Variants in YWHAZ observed in about 807,000 individuals in gnomAD.
The protein encoded by YWHAZ is tyrosine 3-monooxygenase/tryptophan 5-monooxygenase activation protein zeta.
For missense variants in YWHAZ, 79 were observed against 284.8 expected (o/e 0.28, Z 5.20); for synonymous variants, 87 against 103.6 (o/e 0.84, Z 0.97).
intron 5 of YWHAZ, among the ~76,000 whole-genome samples, chr8:100,921,412 G>A (rs1813018308): frequency 6.6e-6 from 1 of 152,180 alleles, no homozygotes; most frequent in African/African-American, 2.4e-5. Context: ...TCCAAGGTGA[G>A]TGCAACTATA....
At position 100,947,690 on chromosome 8, in the gene YWHAZ, T is replaced by C. The variant is rs564349006; in HGVS notation, c.294+906A>G. ...ACTTCTTCCATAAACAAGGTTCATA[T>C]AGTAAGTAACAAACCTGGATTTCCA... On this transcript the variant is annotated intron_variant, in intron 2 of 5. Coordinates refer to ENST00000395958, the MANE Select transcript of YWHAZ (RefSeq NM_145690.3). Among the ~76,000 whole-genome samples the C allele has an allele frequency of 1.1e-4, 16 of 152,354 alleles. No individual in the cohort carries two copies. The South Asian group carries it at 3.1e-3, about 30-fold the overall frequency.
chr8:100,934,908 G>A (rs1233843290), intron 2 of YWHAZ: 3 of 151,828 alleles, frequency 2.0e-5, no homozygotes, highest in Non-Finnish European at 2.9e-5. Flanking sequence ...CCTTCTACAT[G>A]CTATGCTCTT....
intron 2 of YWHAZ, among the ~76,000 whole-genome samples, chr8:100,930,160 G>C (rs1813664343): frequency 6.6e-6 from 1 of 152,208 alleles, no homozygotes; most frequent in South Asian, 2.1e-4. Flanking sequence ...GTTCAGTGGT[G>C]TGATCTTGGC....
At chr8:100,927,304 CT>C (rs1813431183) in intron 2 of YWHAZ, among the ~76,000 whole-genome samples, 1 of 152,128 alleles carries the variant, frequency 6.6e-6, no homozygotes, top group Non-Finnish European at 1.5e-5. Flanking sequence ...GGGAGGATCA[CT>C]TCTTGAGTCC....
chr8:100,952,098 G>A, upstream of YWHAZ: 2 of 986,940 alleles, frequency 2.0e-6, no homozygotes, highest in Non-Finnish European at 2.4e-6. Flanking sequence ...CGGCAGCAGG[G>A]GCACCACACG....
rs534008886 is a variant in YWHAZ, at chr8:100,932,889, T to C, written c.295-7850A>G. ...ATTAAAAAAAAAGTCTTTTTTCTTT[T>C]TAAAAGAAACAGTGAGTGCATAATG... On this transcript the variant is annotated intron_variant, in intron 2 of 5. Transcript: ENST00000395958. Among the ~76,000 whole-genome samples, 3 of 152,276 alleles carry C rather than the reference T, an allele frequency of 2.0e-5. No individual in the cohort carries two copies. The East Asian group carries it at 5.8e-4, about 29-fold the overall frequency.
At chr8:100,952,766 C>T (rs1810896622), upstream of YWHAZ, 2 of 996,306 alleles carry the variant, frequency 2.0e-6, no homozygotes, top group African/African-American at 1.8e-5. Context: ...CTGCCCCCCG[C>T]CCCGCCCGCC....
chr8:100,946,574 T>C (rs919116049), intron 2 of YWHAZ, among the ~76,000 whole-genome samples: 2 of 151,508 alleles, frequency 1.3e-5, no homozygotes, highest in Non-Finnish European at 3.0e-5. Flanking sequence ...CAAACAAACA[T>C]ACACAAAAAA....
At chr8:100,953,182 G>A, upstream of YWHAZ, 1 of 985,312 alleles carries the variant, frequency 1.0e-6, no homozygotes, top group Non-Finnish European at 1.2e-6. Flanking sequence ...AGGCGTGACC[G>A]CACGGACCCG....
chr8:100,926,183 C>A (rs76364691), intron 2 of YWHAZ, among the ~76,000 whole-genome samples: 2,522 of 148,968 alleles, frequency 0.017, 81 homozygotes, highest in African/African-American at 0.059. Context: ...AGTTTTAACC[C>A]AACTTCTTCC....
In YWHAZ at chr8:100,918,230, C is replaced by G. The variant is rs974923423; in HGVS notation, c.*2463G>C. 1 of 149,694 alleles carries G rather than the reference C, an allele frequency of 6.7e-6. No homozygotes were observed. Among genetic ancestry groups the G allele is most frequent in the South Asian group, 2.1e-4 (1 of 4,658 alleles). 9.3% of individuals were successfully genotyped at this position (149,694 alleles called of 1,614,324 possible). ...TGGTGGCGGGCACCTGTAATCCCAG[C>G]TACTTGGGAGGCTGAGGCAGGAGAA... On this transcript the variant is annotated 3_prime_UTR_variant, in exon 6 of 6. Coordinates refer to ENST00000395958, the MANE Select transcript of YWHAZ (RefSeq NM_145690.3).
rs1554612457 is a variant in YWHAZ, at chr8:100,920,803, G to GC, written c.679-52_679-51insG. ...AGCAAGTTTCAGTGGGATGGGGGGG[G>GC]GGGGGCGTTTTCATATAAGTGCCAA... On this transcript the variant is annotated intron_variant, in intron 5 of 5. Coordinates refer to ENST00000395958, the MANE Select transcript of YWHAZ (RefSeq NM_145690.3). 2 of 757,696 alleles carry GC rather than the reference G, an allele frequency of 2.6e-6. 1 individual carries two copies. Among genetic ancestry groups the GC allele is most frequent in the Admixed American group, 4.5e-5 (2 of 44,484 alleles). The allele number at this position is 757,696 out of a possible 1,614,324, so 46.9% of individuals were successfully genotyped here. A position where few individuals can be genotyped will look rare whatever the true frequency, so the allele number is the denominator to read the frequency against.
Position 100,941,998 on chromosome 8 carries a change from T to G in YWHAZ, c.294+6598A>C, listed in dbSNP as rs73697343. On this transcript the variant is annotated intron_variant, in intron 2 of 5. Coordinates refer to ENST00000395958, the MANE Select transcript of YWHAZ (RefSeq NM_145690.3). ...ATGTTGGTCCGCTTAACTTTATAGA[T>G]TAATACTTGGCTGAAACTATCCTTA... Among the ~76,000 whole-genome samples the G allele has an allele frequency of 9.7e-4, 148 of 152,328 alleles. 1 individual carries two copies. The highest frequency in any genetic ancestry group is 3.5e-3 in the African/African-American group (144 of 41,558).
Position 100,948,944 on chromosome 8 carries a change from A to T in YWHAZ, c.-11-44T>A. On this transcript the variant is annotated intron_variant, in intron 1 of 5. Coordinates refer to ENST00000395958, the MANE Select transcript of YWHAZ (RefSeq NM_145690.3). The surrounding 1 kb of genome is among the most constrained non-coding windows in gnomAD (Gnocchi z 4.2). ...GAGTATTTAAAATTTTTCCCATCAA[A>T]ATAAACAGACTCAAAATTATACCTG... 1 of 1,529,552 alleles carries T rather than the reference A, an allele frequency of 6.5e-7. No homozygotes were observed. Among genetic ancestry groups the T allele is most frequent in the Non-Finnish European group, 8.7e-7 (1 of 1,148,952 alleles). The allele number at this position is 1,529,552 out of a possible 1,614,324, so 94.7% of individuals were successfully genotyped here. A position where few individuals can be genotyped will look rare whatever the true frequency, so the allele number is the denominator to read the frequency against.
At chr8:100,944,037 T>C (rs563619082) in intron 2 of YWHAZ, among the ~76,000 whole-genome samples, 2 of 152,036 alleles carry the variant, frequency 1.3e-5, no homozygotes, top group African/African-American at 4.8e-5. Flanking sequence ...TGTCCAATTT[T>C]TTCCTTCCTG....
At chr8:100,947,976 C>T (rs762031784) in intron 2 of YWHAZ, 4 of 778,402 alleles carry the variant, frequency 5.1e-6, no homozygotes, top group African/African-American at 3.5e-5. Context: ...AGTGCTTCAA[C>T]ACAGTAAGTA....
chr8:100,930,627 A>G (rs919271373), intron 2 of YWHAZ, among the ~76,000 whole-genome samples: 3 of 152,160 alleles, frequency 2.0e-5, no homozygotes, highest in Non-Finnish European at 4.4e-5. Context: ...TTACTTCAAA[A>G]TGTGGATGTA....
intron 2 of YWHAZ, among the ~76,000 whole-genome samples, chr8:100,933,402 A>G (rs577147271): frequency 3.9e-5 from 6 of 151,980 alleles, no homozygotes; most frequent in African/African-American, 1.4e-4. Context: ...TTTGTGATGT[A>G]ATAGACACCT....
rs1220731429 is a variant in YWHAZ at position 100,922,021 on chromosome 8, C to CT, written c.679-1270dup. ...TATCTCTGGCCTGGAAAGGAGACTACTTCCAAGGTCATACAGATAGCCAAA... is the reference window on the plus strand; with the variant it reads ...TATCTCTGGCCTGGAAAGGAGACTACTTTCCAAGGTCATACAGATAGCCAAA... On this transcript the variant is annotated intron_variant, in intron 5 of 5. Transcript: ENST00000395958. This position sits in a 1 kb window ranked among gnomAD's most constrained non-coding sequence, Gnocchi z 4.1. 6.6e-6 allele frequency among the ~76,000 whole-genome samples: 1 copy of CT among 152,206 alleles called. No homozygotes were observed. Among genetic ancestry groups the CT allele is most frequent in the Non-Finnish European group, 1.5e-5 (1 of 68,032 alleles).
Sources: gnomAD v4.1 joint callset for allele counts (sites outside exome capture counted in the v4.1 genomes callset) on GRCh38, gnomAD v4.1.1 for gene constraint, Gnocchi (gnomAD v3.1) non-coding constraint, MANE v1.5 for transcripts, NCBI Gene and HGNC (gene_info 2026-07-23, HGNC 2026-07-21) for gene names.